The following DCTN5 variants were observed in gnomAD, a reference collection of about 807,000 sequenced individuals.
DCTN5 encodes the protein dynactin 4.
Under a neutral mutation model 23.5 loss-of-function variants are expected in DCTN5, and 14 were observed. The ratio of observed to expected loss-of-function variants is 0.60; its 90% CI spans 0.39 to 0.93. The LOEUF is 0.93. Ranked by LOEUF, DCTN5 falls within the 40% of genes least tolerant of loss-of-function variation. The probability of loss-of-function intolerance (pLI) is 0.00; values close to 1 mark genes in which losing one functional copy is unlikely to be tolerated. For missense variants in DCTN5, 156 were observed against 225.9 expected (o/e 0.69, Z 1.98); for synonymous variants, 67 against 79.6 (o/e 0.84, Z 0.84).
rs1324832384 is a variant in DCTN5 at position 23,671,967 on chromosome 16, T to C, written c.*4823T>C. 3 of 152,182 alleles carry C rather than the reference T, an allele frequency of 2.0e-5. No individual in the cohort carries two copies. Among genetic ancestry groups the C allele is most frequent in the African/African-American group, 7.2e-5 (3 of 41,408 alleles). The allele number at this position is 152,182 out of a possible 1,614,324, so 9.4% of individuals were successfully genotyped here. On this transcript the variant is annotated 3_prime_UTR_variant, in exon 6 of 6. Transcript: ENST00000300087. ...AAATTCACACCCACTCTGGCTTTCA[T>C]ACCATGGGTCTGAACATTAGCCCAT... is the stretch of plus-strand genomic sequence containing the variant.
At chr16:23,657,685 A>AT in intron 2 of DCTN5, 2 of 228,340 alleles carry the variant, frequency 8.8e-6, no homozygotes, top group Non-Finnish European at 1.8e-5. Flanking sequence ...CAGGCAATCC[A>AT]CCTGCTTCGG....
In DCTN5 at chr16:23,661,586, C is replaced by T. The variant is rs372867144; in HGVS notation, c.348+305C>T. Among the ~76,000 whole-genome samples the T allele has an allele frequency of 4.5e-3, 682 of 152,118 alleles. 4 individuals carry two copies. Among genetic ancestry groups the T allele is most frequent in the Non-Finnish European group, 7.4e-3 (502 of 67,988 alleles). ...TACAAAAATTAGCTGGGCATGGTGG[C>T]GCATGCCTGTAGTCCCAGCTACTCG... is the stretch of plus-strand genomic sequence containing the variant. On this transcript the variant is annotated intron_variant, in intron 4 of 5. Transcript: ENST00000300087.
Position 23,651,074 on chromosome 16 carries a change from G to A in DCTN5, c.118-7433G>A, listed in dbSNP as rs60585237. ...TTTAAATGATTTGTTAAAATGCCAC[G>A]TGTCCTTCCTGTAGGAGATAGCTAA... On this transcript the variant is annotated intron_variant, in intron 2 of 5. Transcript: ENST00000300087. 3.6e-4 allele frequency: 489 copies of A among 1,375,362 alleles called. 1 individual carries two copies. In the African/African-American group the frequency reaches 5.9e-3, roughly 17 times the overall value. The allele number at this position is 1,375,362 out of a possible 1,614,324, so 85.2% of individuals were successfully genotyped here.
intron 1 of DCTN5, 21 bp downstream of exon 1, chr16:23,641,611 ATCC>A (rs1366889021): frequency 1.2e-6 from 2 of 1,613,676 alleles, no homozygotes; most frequent in East Asian, 4.5e-5. Context: ...CCAGATATGT[ATCC>A]TCCTCTTTCC....
rs1967408986 is a variant in DCTN5, at chr16:23,645,106, TATATATATATATATATATATATATA to T, written c.117+2084_117+2108del. ...AACTATATATATATATATATATATA[TATATATATATATATATATATATATA>T]TATATATTTTTTTTTTTTTTAATAC... On this transcript the variant is annotated intron_variant, in intron 2 of 5. Coordinates refer to ENST00000300087, the MANE Select transcript of DCTN5 (RefSeq NM_032486.4). Among the ~76,000 whole-genome samples the T allele has an allele frequency of 8.1e-4, 26 of 32,208 alleles. 1 individual carries two copies. Among genetic ancestry groups the T allele is most frequent in the Admixed American group, 1.3e-3 (4 of 3,108 alleles). The allele number at this position is 32,208 out of a possible 152,430, so 21.1% of individuals were successfully genotyped here.
At chr16:23,646,663 G>A (rs1181982923) in intron 2 of DCTN5, among the ~76,000 whole-genome samples, 2 of 151,110 alleles carry the variant, frequency 1.3e-5, no homozygotes, top group South Asian at 2.1e-4. Flanking sequence ...TGCAACCTCC[G>A]CCTCCTGGGT....
chr16:23,653,542 A>G (rs1307076272), intron 2 of DCTN5, among the ~76,000 whole-genome samples: 1 of 152,228 alleles, frequency 6.6e-6, no homozygotes. Context: ...ACCATATAGA[A>G]AAATCAACTC....
intron 1 of DCTN5, 135 bp downstream of exon 1, chr16:23,641,725 C>T (rs769422551): frequency 7.9e-6 from 7 of 889,672 alleles, no homozygotes; most frequent in Middle Eastern, 2.2e-4. Context: ...CTAGCGATGC[C>T]CCGTGTACCG....
chr16:23,669,689 T>C lies in DCTN5; in HGVS notation c.*2545T>C, dbSNP rs1967972598. 6.5e-6 allele frequency: 1 copy of C among 152,720 alleles called. No homozygotes were observed. Among genetic ancestry groups the C allele is most frequent in the African/African-American group, 2.4e-5 (1 of 41,412 alleles). The allele number at this position is 152,720 out of a possible 1,614,324, so 9.5% of individuals were successfully genotyped here. ...TCCTCTTTCCCTGGTGTCTTCATTT[T>C]CCTCCGTCTCCCTGCTGTCCCTTAC... is the stretch of plus-strand genomic sequence containing the variant. On this transcript the variant is annotated 3_prime_UTR_variant, in exon 6 of 6. Coordinates refer to ENST00000300087, the MANE Select transcript of DCTN5 (RefSeq NM_032486.4).
chr16:23,661,223 G>T lies in DCTN5; in HGVS notation c.290G>T (p.Cys97Phe), dbSNP rs372198832. Reference sequence around the variant, plus strand: ...GACCATGTCTTTATTGAGGAAGATTGTGTGGTCAACGCAGCACAGATTGGT... The same window carrying T: ...GACCATGTCTTTATTGAGGAAGATTTTGTGGTCAACGCAGCACAGATTGGT... ...IGDHVFIEED[C>F]VVNAAQIGSY... The change falls in exon 4 of 6, where the codon TGT (cysteine) becomes TTT (phenylalanine). Residue 97 changes from cysteine to phenylalanine, a missense_variant. By Grantham distance (205) the Cys-to-Phe change is radical (BLOSUM62 -2). Transcript: ENST00000300087. 19 of 1,612,952 alleles carry T rather than the reference G, an allele frequency of 1.2e-5. No individual in the cohort carries two copies. The highest frequency in any genetic ancestry group is 1.7e-5 in the Admixed American group (1 of 59,824).
intron 5 of DCTN5, chr16:23,666,778 G>A: frequency 2.0e-6 from 1 of 491,322 alleles, no homozygotes; most frequent in South Asian, 3.8e-5. Context: ...ATTCTTCGGG[G>A]AGGCATTTGG....
At position 23,641,508 on chromosome 16, in the gene DCTN5, A is replaced by T; in HGVS notation, c.-35A>T. The T allele has an allele frequency of 6.2e-7, 1 of 1,613,820 alleles. No individual in the cohort carries two copies. Among genetic ancestry groups the T allele is most frequent in the Non-Finnish European group, 8.5e-7 (1 of 1,179,834 alleles). On this transcript the variant is annotated 5_prime_UTR_variant, in exon 1 of 6. Coordinates refer to ENST00000300087, the MANE Select transcript of DCTN5 (RefSeq NM_032486.4). ...CTGAAAGACTGACCGACTGACTCTG[A>T]CAGGATCCGGGGCTGAGGGAAGGAG...
rs1967975890 is a variant in DCTN5, at chr16:23,669,862, C to G, written c.*2718C>G. 6.6e-6 allele frequency: 1 copy of G among 152,226 alleles called. No individual in the cohort carries two copies. The highest frequency in any genetic ancestry group is 1.5e-5 in the Non-Finnish European group (1 of 68,082). 9.4% of individuals were successfully genotyped at this position (152,226 alleles called of 1,614,324 possible). ...CAATAAAGAACCATTTGGAGATGGTCTTCTGTCTGGAACTGCTTCCTTTTT... is the reference window on the plus strand; with the variant it reads ...CAATAAAGAACCATTTGGAGATGGTGTTCTGTCTGGAACTGCTTCCTTTTT... On this transcript the variant is annotated 3_prime_UTR_variant, in exon 6 of 6. Transcript: ENST00000300087.
chr16:23,650,101 A>C (rs1474055720), intron 2 of DCTN5, among the ~76,000 whole-genome samples: 3 of 152,120 alleles, frequency 2.0e-5, no homozygotes, highest in Non-Finnish European at 2.9e-5. Context: ...TGATTACTGT[A>C]GCATTGCAGT....
Position 23,667,085 on chromosome 16 carries a change from C to G in DCTN5, c.490C>G (p.Leu164Val), listed in dbSNP as rs1967921101. Residue 164 changes from leucine (L) to valine (V), a missense_variant, in exon 6 of 6, where the codon CTG (leucine) becomes GTG (valine). By Grantham distance (32) the Leu-to-Val change is conservative. This residue lies in a region of DCTN5 where 153 missense variants were observed against 206.8 expected (regional missense o/e 0.74). Coordinates refer to ENST00000300087, the MANE Select transcript of DCTN5 (RefSeq NM_032486.4). Reference sequence around the variant, plus strand: ...GGAGCTCCCGGAGTGCACTCAGGAGCTGATGATTGACGTCACCAAGAGCTA... The same window carrying G: ...GGAGCTCCCGGAGTGCACTCAGGAGGTGATGATTGACGTCACCAAGAGCTA... Reference protein sequence around the residue: ...SGELPECTQELMIDVTKSYYQ... With the variant: ...SGELPECTQEVMIDVTKSYYQ... The G allele has an allele frequency of 6.2e-7, 1 of 1,613,602 alleles. No individual in the cohort carries two copies. Among genetic ancestry groups the G allele is most frequent in the Non-Finnish European group, 8.5e-7 (1 of 1,180,032 alleles).
At chr16:23,652,524 A>G (rs955158004) in intron 2 of DCTN5, among the ~76,000 whole-genome samples, 1 of 152,246 alleles carries the variant, frequency 6.6e-6, no homozygotes, top group East Asian at 1.9e-4. Flanking sequence ...TTTGCATACA[A>G]TAAATGTATC....
At chr16:23,664,888 G>A (rs1179898106) in intron 4 of DCTN5, among the ~76,000 whole-genome samples, 6 of 152,268 alleles carry the variant, frequency 3.9e-5, no homozygotes, top group African/African-American at 1.2e-4. Context: ...TGGATGTGGA[G>A]TGGAATGGGT....
intron 2 of DCTN5, among the ~76,000 whole-genome samples, chr16:23,650,053 C>A (rs1014410943): frequency 1.3e-5 from 2 of 150,268 alleles, no homozygotes; most frequent in African/African-American, 5.0e-5. Flanking sequence ...GTTCCATTGG[C>A]CTATGTGTCT....
rs1967963677 is a variant in DCTN5, at chr16:23,669,309, C to A, written c.*2165C>A. 6.6e-6 allele frequency: 1 copy of A among 152,294 alleles called. No homozygotes were observed. 9.4% of individuals were successfully genotyped at this position (152,294 alleles called of 1,614,324 possible). Reference sequence around the variant, plus strand: ...GGCTAGATTGGGCTTCAGGCTGCATCCCAGGACTCCAAACAGGGATCTGTC... The same window carrying A: ...GGCTAGATTGGGCTTCAGGCTGCATACCAGGACTCCAAACAGGGATCTGTC... On this transcript the variant is annotated 3_prime_UTR_variant, in exon 6 of 6. Coordinates refer to ENST00000300087, the MANE Select transcript of DCTN5 (RefSeq NM_032486.4).
Sources: gnomAD v4.1 joint callset for allele counts (sites outside exome capture counted in the v4.1 genomes callset) on GRCh38, gnomAD v4.1.1 for gene constraint, gnomAD v4.1.1 regional missense constraint, MANE v1.5 for transcripts, NCBI Gene and HGNC (gene_info 2026-07-23, HGNC 2026-07-21) for gene names.